Variants in KDM4C observed in about 807,000 individuals in gnomAD.
The protein encoded by KDM4C is lysine demethylase 4C.
Under a neutral mutation model 129.3 loss-of-function variants are expected in KDM4C, and 81 were observed. That is an observed-to-expected ratio of 0.63 (90% CI 0.52 to 0.75). The LOEUF is 0.75. Among genes scored for constraint, KDM4C ranks in the 30% least tolerant of loss-of-function variants. The pLI is 0.00. For missense variants in KDM4C, 1,457 were observed against 1,304.0 expected, an observed-to-expected ratio of 1.12 and a Z score of -1.81; for synonymous variants, 573 against 456.1, an observed-to-expected ratio of 1.26 and a Z score of -3.26.
chr9:7,068,590 T>C (rs6477144), intron 17 of KDM4C, among the ~76,000 whole-genome samples: 110,133 of 151,922 alleles, frequency 0.72, 40,186 homozygotes, highest in Admixed American at 0.77. Flanking sequence ...TTCCTGACAG[T>C]TCCATGTTGT....
At chr9:6,949,868 C>G (rs1827805787) in intron 8 of KDM4C, among the ~76,000 whole-genome samples, 2 of 151,786 alleles carry the variant, frequency 1.3e-5, no homozygotes, top group Non-Finnish European at 2.9e-5. Flanking sequence ...GGAGAGGGAC[C>G]ATTTTTTTTG....
chr9:7,135,416 C>G (rs1841094624), intron 19 of KDM4C, among the ~76,000 whole-genome samples: 1 of 152,176 alleles, frequency 6.6e-6, no homozygotes, highest in Non-Finnish European at 1.5e-5. Context: ...AGCATTTCAT[C>G]TTCAGCCTAA....
intron 8 of KDM4C, among the ~76,000 whole-genome samples, chr9:6,937,084 G>T (rs1442372124): frequency 2.0e-5 from 3 of 152,128 alleles, no homozygotes; most frequent in Non-Finnish European, 4.4e-5. Context: ...AAGGAAACAA[G>T]TAAGTTATTG....
chr9:7,058,313 A>G (rs770708789), intron 17 of KDM4C, among the ~76,000 whole-genome samples: 2 of 152,182 alleles, frequency 1.3e-5, no homozygotes, highest in Non-Finnish European at 2.9e-5. Flanking sequence ...TTTTAGACTA[A>G]CGATGCAAGT....
At position 6,808,221 on chromosome 9, in the gene KDM4C, G is replaced by T. The variant is rs1170040938; in HGVS notation, c.320+2447G>T. Among the ~76,000 whole-genome samples, 16 of 73,122 alleles carry T rather than the reference G, an allele frequency of 2.2e-4. 1 individual carries two copies. The highest frequency in any genetic ancestry group is 8.6e-4 in the Admixed American group (7 of 8,150). The allele number at this position is 73,122 out of a possible 152,430, so 48.0% of individuals were successfully genotyped here. On this transcript the variant is annotated intron_variant, in intron 3 of 21. Transcript: ENST00000381309. ...CCAACAGCTCATTGAGAACGGGCCA[G>T]GATGACAATGGCGGCTTTGTGGAAT...
chr9:6,980,965 T>C lies in KDM4C; in HGVS notation c.962T>C (p.Ile321Thr). 1 of 1,613,806 alleles carries C rather than the reference T, an allele frequency of 6.2e-7. No homozygotes were observed. Among genetic ancestry groups the C allele is most frequent in the East Asian group, 2.2e-5 (1 of 44,880 alleles). Reference protein sequence around the residue: ...RKDMVKISMDIFVRKFQPDRY... With the variant: ...RKDMVKISMDTFVRKFQPDRY... Reference sequence around the variant, plus strand: ...GACATGGTGAAGATTTCAATGGATATCTTTGTGAGGAAATTTCAGCCAGAC... The same window carrying C: ...GACATGGTGAAGATTTCAATGGATACCTTTGTGAGGAAATTTCAGCCAGAC... The change falls in exon 9 of 22, where the codon ATC becomes ACC. Residue 321 changes from isoleucine (I) to threonine (T), a missense_variant. Coordinates refer to ENST00000381309, the MANE Select transcript of KDM4C (RefSeq NM_015061.6).
At chr9:6,929,471 C>CTTTTTTTTTTT (rs59537472) in intron 8 of KDM4C, among the ~76,000 whole-genome samples, 1 of 127,528 alleles carries the variant, frequency 7.8e-6, no homozygotes, top group African/African-American at 2.9e-5. Flanking sequence ...TTGACTTTTT[C>CTTTTTTTTTTT]TTTTTTTTTT....
chr9:6,855,167 G>T (rs1839571513), intron 5 of KDM4C, among the ~76,000 whole-genome samples: 1 of 152,076 alleles, frequency 6.6e-6, no homozygotes, highest in South Asian at 2.1e-4. Flanking sequence ...AGTGTTCTTG[G>T]TTATAAATGA....
chr9:7,165,575 A>G (rs945631262), intron 20 of KDM4C, among the ~76,000 whole-genome samples: 6 of 152,236 alleles, frequency 3.9e-5, no homozygotes, highest in Non-Finnish European at 5.9e-5. Flanking sequence ...CATTTGATGA[A>G]TGGTTTAATT....
chr9:7,032,425 T>TA (rs1438088479), intron 15 of KDM4C, among the ~76,000 whole-genome samples: 1 of 152,236 alleles, frequency 6.6e-6, no homozygotes, highest in African/African-American at 2.4e-5. Context: ...TGTTAGAAAT[T>TA]ACCAAGCATT....
intron 5 of KDM4C, among the ~76,000 whole-genome samples, chr9:6,867,650 T>C (rs531775548): frequency 6.6e-6 from 1 of 152,230 alleles, no homozygotes; most frequent in Non-Finnish European, 1.5e-5. Flanking sequence ...AAACATTGCA[T>C]CTATGTTTGG....
rs756094794 is a variant in KDM4C, at chr9:7,174,741, C to T, written c.*12C>T. 6.8e-6 allele frequency: 11 copies of T among 1,609,538 alleles called. No homozygotes were observed. Among genetic ancestry groups the T allele is most frequent in the Middle Eastern group, 1.6e-4 (1 of 6,070 alleles). On this transcript the variant is annotated 3_prime_UTR_variant, in exon 22 of 22. Transcript: ENST00000381309. ...AGAAGAGACAGTAGTCTGCATACAT[C>T]GCTGCAGGCCACAGAGCAGCTTGGG...
At chr9:7,069,072 A>C (rs962083422) in intron 17 of KDM4C, among the ~76,000 whole-genome samples, 30 of 152,056 alleles carry the variant, frequency 2.0e-4, no homozygotes, top group African/African-American at 7.0e-4. Context: ...AATCAAAATC[A>C]CCATAATAGT....
intron 4 of KDM4C, among the ~76,000 whole-genome samples, chr9:6,848,460 A>G (rs928050787): frequency 7.2e-5 from 11 of 152,138 alleles, no homozygotes; most frequent in African/African-American, 2.7e-4. Flanking sequence ...TGAGGCCAGG[A>G]GTTCGAGACC....
chr9:7,056,514 A>G (rs1587316361), intron 17 of KDM4C, among the ~76,000 whole-genome samples: 1 of 152,204 alleles, frequency 6.6e-6, no homozygotes, highest in South Asian at 2.1e-4. Context: ...CATGGCTACA[A>G]ATAATATACT....
intron 8 of KDM4C, among the ~76,000 whole-genome samples, chr9:6,901,810 A>G (rs1026752359): frequency 6.6e-6 from 1 of 152,192 alleles, no homozygotes; most frequent in African/African-American, 2.4e-5. Flanking sequence ...TTTAGCACCT[A>G]TTATTTGGTG....
rs145341090 is a variant in KDM4C at position 7,088,779 on chromosome 9, A to G, written c.2425-14906A>G. The stretch of plus-strand genomic sequence containing the variant: ...CATCTGTCCACTCCACAAGCTGTCA[A>G]TGGGCTTGGATTGGAAGCTTGCATG... On this transcript the variant is annotated intron_variant, in intron 17 of 21. Coordinates refer to ENST00000381309, the MANE Select transcript of KDM4C (RefSeq NM_015061.6). 9.9e-3 allele frequency among the ~76,000 whole-genome samples: 1,509 copies of G among 152,272 alleles called. 9 individuals carry two copies. The highest frequency in any genetic ancestry group is 0.012 in the Non-Finnish European group (847 of 68,010).
chr9:6,752,363 T>TAAAAAAAA, intron 1 of KDM4C, among the ~76,000 whole-genome samples: 1 of 115,640 alleles, frequency 8.6e-6, no homozygotes, highest in Non-Finnish European at 1.8e-5. Flanking sequence ...AAAAAAAAAT[T>TAAAAAAAA]AAGGAGGAAC....
At chr9:6,896,029 T>C (rs1702669405) in intron 8 of KDM4C, among the ~76,000 whole-genome samples, 1 of 152,228 alleles carries the variant, frequency 6.6e-6, no homozygotes, top group Non-Finnish European at 1.5e-5. Context: ...TCTGATTCTT[T>C]AGGTAACCTT....
Sources: gnomAD v4.1 joint callset for allele counts (sites outside exome capture counted in the v4.1 genomes callset) on GRCh38, gnomAD v4.1.1 for gene constraint, MANE v1.5 for transcripts, NCBI Gene and HGNC (gene_info 2026-07-23, HGNC 2026-07-21) for gene names.